Variants in CCSER1 observed in about 807,000 individuals in gnomAD.
CCSER1 encodes coiled-coil serine rich protein 1.
A neutral mutation model predicts 82.0 loss-of-function variants in CCSER1; 41 were observed. The ratio of observed to expected loss-of-function variants is 0.50; its 90% CI spans 0.39 to 0.65. The LOEUF (loss-of-function observed/expected upper bound fraction) is 0.65, where lower values mean the gene tolerates loss of function less well. CCSER1 is among the 30% of genes least tolerant of loss of function. The pLI, the probability that CCSER1 is intolerant of heterozygous loss-of-function variation, is 0.00. For missense variants in CCSER1, 1,119 were observed against 1,064.2 expected (o/e 1.05, Z -0.72); for synonymous variants, 414 against 383.9 (o/e 1.08, Z -0.92).
At chr4:91,237,542 A>G (rs1739111359) in intron 10 of CCSER1, among the ~76,000 whole-genome samples, 2 of 152,136 alleles carry the variant, frequency 1.3e-5, no homozygotes, top group Non-Finnish European at 2.9e-5. Context: ...TTCAACCTCT[A>G]AAAATATGTA....
intron 1 of CCSER1, among the ~76,000 whole-genome samples, chr4:90,161,129 T>G (rs1014289002): frequency 1.3e-5 from 2 of 152,200 alleles, no homozygotes; most frequent in Non-Finnish European, 2.9e-5. Flanking sequence ...GTGGACTTAC[T>G]GTATGTAAAC....
intron 10 of CCSER1, among the ~76,000 whole-genome samples, chr4:91,334,206 C>T (rs1747160760): frequency 1.3e-5 from 2 of 152,160 alleles, no homozygotes; most frequent in Non-Finnish European, 1.5e-5. Flanking sequence ...CTTTGTTATA[C>T]AGCCAATCTG....
chr4:91,063,799 C>T (rs937625255), intron 9 of CCSER1, among the ~76,000 whole-genome samples: 4 of 152,070 alleles, frequency 2.6e-5, no homozygotes, highest in Non-Finnish European at 5.9e-5. Flanking sequence ...ATTGAATTTA[C>T]TTGATCTCAG....
At chr4:91,060,942 T>G (rs1743898877) in intron 9 of CCSER1, among the ~76,000 whole-genome samples, 1 of 152,064 alleles carries the variant, frequency 6.6e-6, no homozygotes, top group Non-Finnish European at 1.5e-5. Context: ...ATATTGTTGG[T>G]TTTTGATACA....
intron 3 of CCSER1, among the ~76,000 whole-genome samples, chr4:90,314,951 A>G (rs1342574812): frequency 2.0e-5 from 3 of 148,372 alleles, no homozygotes; most frequent in African/African-American, 7.5e-5. Flanking sequence ...AGTTCAAGCA[A>G]TTCTCCTGCC....
intron 10 of CCSER1, among the ~76,000 whole-genome samples, chr4:91,534,222 C>A (rs1450790605): frequency 6.6e-6 from 1 of 152,072 alleles, no homozygotes; most frequent in East Asian, 1.9e-4. Context: ...GCCAGGCACA[C>A]TCTGTAATCA....
chr4:90,467,825 T>C (rs1045911231), intron 4 of CCSER1, among the ~76,000 whole-genome samples: 3 of 152,182 alleles, frequency 2.0e-5, no homozygotes, highest in African/African-American at 2.4e-5. Flanking sequence ...GAGGTTCCAG[T>C]AGTGTTTGGG....
At chr4:90,992,579 G>T (rs72665486) in intron 9 of CCSER1, among the ~76,000 whole-genome samples, 14,386 of 151,900 alleles carry the variant, frequency 0.095, 858 homozygotes, top group Admixed American at 0.17. Context: ...CAAAACTGTG[G>T]TCTTATCCGA....
At chr4:91,351,727 T>C (rs1244023356) in intron 10 of CCSER1, among the ~76,000 whole-genome samples, 1 of 152,152 alleles carries the variant, frequency 6.6e-6, no homozygotes, top group Non-Finnish European at 1.5e-5. Context: ...GGCAGAAAAC[T>C]ATTTTAAATT....
chr4:91,126,212 T>TG (rs1442904107), intron 10 of CCSER1, among the ~76,000 whole-genome samples: 3 of 151,890 alleles, frequency 2.0e-5, no homozygotes, highest in African/African-American at 7.2e-5. Flanking sequence ...CAACTAAAGA[T>TG]GCCTCTGTTA....
intron 9 of CCSER1, among the ~76,000 whole-genome samples, chr4:90,944,125 C>G (rs931636858): frequency 2.7e-5 from 4 of 149,894 alleles, no homozygotes; most frequent in African/African-American, 9.8e-5. Context: ...CCCAGCTACT[C>G]GGGAGGCTGA....
chr4:91,481,005 AT>A (rs1757876640), intron 10 of CCSER1, among the ~76,000 whole-genome samples: 1 of 151,362 alleles, frequency 6.6e-6, no homozygotes, highest in East Asian at 2.0e-4. Context: ...TTCATCTCTG[AT>A]TTTATATCTG....
At chr4:90,485,029 C>T (rs1050601451) in intron 5 of CCSER1, among the ~76,000 whole-genome samples, 6 of 152,190 alleles carry the variant, frequency 3.9e-5, no homozygotes, top group Admixed American at 6.5e-5. Context: ...CCATCCAGTT[C>T]GAGCTTCCCA....
intron 9 of CCSER1, among the ~76,000 whole-genome samples, chr4:90,947,596 A>G (rs1222334489): frequency 6.6e-6 from 1 of 152,164 alleles, no homozygotes; most frequent in Non-Finnish European, 1.5e-5. Flanking sequence ...GTCCTATTCC[A>G]GCTTATTTTA....
intron 5 of CCSER1, among the ~76,000 whole-genome samples, chr4:90,477,386 CTT>C (rs1186718431): frequency 6.6e-6 from 1 of 152,066 alleles, no homozygotes; most frequent in African/African-American, 2.4e-5. Context: ...ATAGCACCTG[CTT>C]TGTAAGGTCA....
intron 10 of CCSER1, among the ~76,000 whole-genome samples, chr4:91,394,657 T>C (rs916971463): frequency 6.6e-6 from 1 of 152,080 alleles, no homozygotes; most frequent in Non-Finnish European, 1.5e-5. Flanking sequence ...TTTAATAGCA[T>C]TGAATGTTTG....
chr4:90,319,259 T>G (rs1736691795), intron 3 of CCSER1, among the ~76,000 whole-genome samples: 1 of 152,106 alleles, frequency 6.6e-6, no homozygotes, highest in African/African-American at 2.4e-5. Flanking sequence ...ACACCCCACT[T>G]GTACAATCCG....
At chr4:91,204,781 A>G (rs977096877) in intron 10 of CCSER1, among the ~76,000 whole-genome samples, 1 of 151,848 alleles carries the variant, frequency 6.6e-6, no homozygotes, top group East Asian at 1.9e-4. Context: ...TAGTTGCCAG[A>G]AATATTTTCT....
intron 1 of CCSER1, among the ~76,000 whole-genome samples, chr4:90,152,330 GT>G (rs1175193526): frequency 6.6e-6 from 1 of 152,170 alleles, no homozygotes; most frequent in Non-Finnish European, 1.5e-5. Flanking sequence ...TGATTGGTGT[GT>G]GTAGGTTAAA....
Sources: allele counts gnomAD v4.1 joint callset (sites outside exome capture counted in the v4.1 genomes callset), GRCh38; gene constraint gnomAD v4.1.1; transcripts MANE v1.5; gene names NCBI Gene and HGNC (gene_info 2026-07-23, HGNC 2026-07-21).